POC1B: variants seen among roughly 807,000 people sequenced by gnomAD.
The protein encoded by POC1B is POC1 centriolar protein B, also known as POC1 centriolar protein homolog B.
Under a neutral mutation model 60.6 loss-of-function variants are expected in POC1B, and 44 were observed. The ratio of observed to expected loss-of-function variants is 0.73; its 90% CI spans 0.57 to 0.93. POC1B has a LOEUF of 0.93. Among genes scored for constraint, POC1B ranks in the 40% least tolerant of loss-of-function variants. The pLI is 0.00. For synonymous variants in POC1B, 180 were observed against 198.9 expected, an observed-to-expected ratio of 0.90 and a Z score of 0.80; for missense variants, 555 against 572.3, an observed-to-expected ratio of 0.97 and a Z score of 0.31.
intron 2 of POC1B, among the ~76,000 whole-genome samples, chr12:89,510,763 C>CTTTTTTTTTT (rs56654469): frequency 2.9e-5 from 4 of 139,086 alleles, no homozygotes; most frequent in Admixed American, 7.2e-5. Context: ...TGTTTTTATT[C>CTTTTTTTTTT]TTTTTTTTTT....
At chr12:89,444,978 C>A (rs1881712198) in intron 10 of POC1B, among the ~76,000 whole-genome samples, 1 of 152,030 alleles carries the variant, frequency 6.6e-6, no homozygotes, top group Non-Finnish European at 1.5e-5. Flanking sequence ...AAACAGAGAG[C>A]CAAATCATGA....
intron 10 of POC1B, among the ~76,000 whole-genome samples, chr12:89,438,369 A>G (rs1207165900): frequency 6.6e-6 from 1 of 151,888 alleles, no homozygotes; most frequent in East Asian, 2.0e-4. Flanking sequence ...AGGCAGGAGA[A>G]TGGCGTGAAG....
chr12:89,426,920 A>C (rs1007645016), intron 10 of POC1B: 3 of 152,132 alleles, frequency 2.0e-5, no homozygotes. Context: ...TAAACATCCC[A>C]TATCCCAAAT....
chr12:89,524,015 T>C, intron 2 of POC1B: 1 of 1,613,700 alleles, frequency 6.2e-7, no homozygotes, highest in South Asian at 1.1e-5. Flanking sequence ...AAATAAACTC[T>C]GTCACTCAAG....
Position 89,497,194 on chromosome 12 carries a change from G to A in POC1B, c.249C>T (p.Thr83=), listed in dbSNP as rs772559970. Residue 83 remains threonine, a synonymous_variant, in exon 3 of 12, where the codon ACC becomes ACT. Coordinates refer to ENST00000313546, the MANE Select transcript of POC1B (RefSeq NM_172240.3). The part of the protein sequence containing the change: ...NLLASASRDR[T]VRLWIPDKRG... ...ACTTATCAGGAATCCAGAGTCTCAC[G>A]GTTCTGTCTCGTGAGGCAGACGCCA... is the stretch of plus-strand genomic sequence containing the variant. 51 of 1,613,552 alleles carry A rather than the reference G, an allele frequency of 3.2e-5. No individual in the cohort carries two copies. Among genetic ancestry groups the A allele is most frequent in the Non-Finnish European group, 4.1e-5 (48 of 1,179,912 alleles).
chr12:89,469,436 G>T (rs1040349246), intron 7 of POC1B, among the ~76,000 whole-genome samples: 4 of 152,128 alleles, frequency 2.6e-5, no homozygotes, highest in African/African-American at 9.7e-5. Context: ...ATAAATGCTT[G>T]TAAAAAGAGA....
rs397755547 is a variant in POC1B, at chr12:89,459,627, A to AG, written c.1113+10_1113+11insC. 14 of 1,384,834 alleles carry AG rather than the reference A, an allele frequency of 1.0e-5. No homozygotes were observed. The highest frequency in any genetic ancestry group is 3.0e-5 in the African/African-American group (2 of 66,750). 85.8% of individuals were successfully genotyped at this position (1,384,834 alleles called of 1,614,324 possible). On this transcript the variant is annotated intron_variant, in intron 10 of 11. Transcript: ENST00000313546. ...TTAAGTGTCAAAAAAAAAAAAAAAA[A>AG]CCCGACTTACTGTGGTAGAATCAAA...
At chr12:89,487,754 T>C (rs1868716531) in intron 4 of POC1B, among the ~76,000 whole-genome samples, 1 of 152,170 alleles carries the variant, frequency 6.6e-6, no homozygotes. Context: ...ACAGCTTGCC[T>C]TCCCTCTTCG....
At chr12:89,483,078 A>AT (rs927836326) in intron 4 of POC1B, among the ~76,000 whole-genome samples, 23 of 151,172 alleles carry the variant, frequency 1.5e-4, no homozygotes, top group East Asian at 5.8e-4. Flanking sequence ...CGCCCAGCTA[A>AT]TTTTTTTTTG....
At chr12:89,443,722 A>C (rs1208907171) in intron 10 of POC1B, among the ~76,000 whole-genome samples, 1 of 151,796 alleles carries the variant, frequency 6.6e-6, no homozygotes, top group Non-Finnish European at 1.5e-5. Flanking sequence ...ACACATTCAA[A>C]AGCTAGCAGA....
chr12:89,430,260 A>G (rs1163450912), intron 10 of POC1B, among the ~76,000 whole-genome samples: 1 of 152,210 alleles, frequency 6.6e-6, no homozygotes, highest in Non-Finnish European at 1.5e-5. Context: ...TGAGAACTGA[A>G]TACAAAACAT....
intron 2 of POC1B, among the ~76,000 whole-genome samples, chr12:89,516,913 T>G (rs1360239418): frequency 2.0e-5 from 3 of 152,202 alleles, no homozygotes; most frequent in African/African-American, 7.2e-5. Context: ...CATCGCTGGA[T>G]TTAGGGCCCA....
the POC1B span, among the ~76,000 whole-genome samples, chr12:89,413,982 C>T: frequency 0.064 from 9,693 of 152,218 alleles, 434 homozygotes; most frequent in Non-Finnish European, 0.092. Flanking sequence ...ACCTCCGCCT[C>T]CCAGGCTCAA....
At chr12:89,403,182 A>G in the POC1B span, among the ~76,000 whole-genome samples, 3 of 150,608 alleles carry the variant, frequency 2.0e-5, no homozygotes, top group African/African-American at 7.4e-5. Context: ...TAATTTTTGT[A>G]TTTTTAGTAG....
At chr12:89,477,122 C>A (rs985525584) in intron 4 of POC1B, among the ~76,000 whole-genome samples, 2 of 152,190 alleles carry the variant, frequency 1.3e-5, no homozygotes, top group Admixed American at 6.5e-5. Flanking sequence ...TGGATTGAAT[C>A]AGCCCTAAAA....
At chr12:89,516,191 A>G (rs983295457) in intron 2 of POC1B, among the ~76,000 whole-genome samples, 5 of 152,108 alleles carry the variant, frequency 3.3e-5, no homozygotes, top group Admixed American at 6.5e-5. Context: ...CTTGGCTTTC[A>G]TGATACCCTA....
intron 10 of POC1B, among the ~76,000 whole-genome samples, chr12:89,438,343 G>A (rs1477736022): frequency 1.3e-5 from 2 of 152,128 alleles, no homozygotes; most frequent in Non-Finnish European, 2.9e-5. Context: ...TGTAGTCCCA[G>A]CTACTCAGGA....
At chr12:89,408,719 C>T in the POC1B span, among the ~76,000 whole-genome samples, 5,318 of 152,166 alleles carry the variant, frequency 0.035, 307 homozygotes, top group East Asian at 0.25. Flanking sequence ...GATCTCCTGA[C>T]CTCGTAATCT....
At chr12:89,442,417 C>G (rs1027358029) in intron 10 of POC1B, among the ~76,000 whole-genome samples, 5 of 152,216 alleles carry the variant, frequency 3.3e-5, no homozygotes, top group African/African-American at 1.2e-4. Context: ...TCGGCAGAAA[C>G]TCTACAAGCC....
Sources: allele counts gnomAD v4.1 joint callset (sites outside exome capture counted in the v4.1 genomes callset), GRCh38; gene constraint gnomAD v4.1.1; transcripts MANE v1.5; gene names NCBI Gene and HGNC (gene_info 2026-07-23, HGNC 2026-07-21).